Variants in TEX101 observed in about 807,000 individuals in gnomAD.
TEX101 encodes testis expressed 101, also known as testis-expressed protein 101.
Under a neutral mutation model 18.1 loss-of-function variants are expected in TEX101, and 10 were observed. The observed-to-expected ratio is 0.55, with a 90% CI of 0.34 to 0.94. The LOEUF (loss-of-function observed/expected upper bound fraction) is 0.94, where lower values mean the gene tolerates loss of function less well. Among genes scored for constraint, TEX101 ranks in the 40% least tolerant of loss-of-function variants. The probability of loss-of-function intolerance (pLI) is 0.02; values close to 1 mark genes in which losing one functional copy is unlikely to be tolerated. For missense variants in TEX101, 259 were observed against 298.9 expected (o/e 0.87, Z 0.98); for synonymous variants, 94 against 114.8 (o/e 0.82, Z 1.16).
chr19:43,393,422 A>G, the TEX101 span, among the ~76,000 whole-genome samples: 49 of 152,246 alleles, frequency 3.2e-4, no homozygotes, highest in South Asian at 1.0e-3. Flanking sequence ...CTGTCTCTGA[A>G]CCTCAGTTTC....
chr19:43,404,148 G>A (rs566981046), intron 2 of TEX101, among the ~76,000 whole-genome samples: 1 of 146,168 alleles, frequency 6.8e-6, no homozygotes, highest in East Asian at 2.0e-4. Context: ...CTTTTTGTGT[G>A]TGCTGGCTTT....
chr19:43,401,814 C>T (rs548835675), intron 1 of TEX101, among the ~76,000 whole-genome samples: 2 of 151,590 alleles, frequency 1.3e-5, no homozygotes, highest in South Asian at 4.2e-4. Context: ...CATTGCACTC[C>T]AGCCTGGGCA....
At chr19:43,393,844 C>T in the TEX101 span, among the ~76,000 whole-genome samples, 2 of 151,460 alleles carry the variant, frequency 1.3e-5, no homozygotes, top group African/African-American at 4.8e-5. Context: ...GCCAGGTGTG[C>T]CCAGGAGCAG....
chr19:43,397,687 G>A (rs943060301), upstream of TEX101, among the ~76,000 whole-genome samples: 8 of 146,586 alleles, frequency 5.5e-5, no homozygotes, highest in South Asian at 4.2e-4. Context: ...CCGTGATCAC[G>A]CCTGAGAAAA....
chr19:43,418,364 A>G lies in TEX101; in HGVS notation c.717A>G (p.Pro239=), dbSNP rs1970506263. 1 of 1,613,798 alleles carries G rather than the reference A, an allele frequency of 6.2e-7. No homozygotes were observed. Among genetic ancestry groups the G allele is most frequent in the African/African-American group, 1.3e-5 (1 of 74,910 alleles). ...TTTGGGGGTTACAGCTACTGCTGCCATTGCTGCTGCCATCATTTATTCACT... is the reference window on the plus strand; with the variant it reads ...TTTGGGGGTTACAGCTACTGCTGCCGTTGCTGCTGCCATCATTTATTCACT... ...IPVWGLQLLL[P]LLLPSFIHFS is the part of the protein sequence containing the mutation. Residue 239 remains proline, a synonymous_variant, in exon 6 of 6, where the codon CCA becomes CCG. Transcript: ENST00000598265.
chr19:43,406,931 G>GTTTTTTT (rs1002990799), intron 3 of TEX101, among the ~76,000 whole-genome samples: 27 of 116,106 alleles, frequency 2.3e-4, no homozygotes, highest in South Asian at 2.8e-4. Context: ...TTTGTTTTTT[G>GTTTTTTT]TTTTTTTTTT....
At chr19:43,413,451 G>A (rs1472581148), upstream of TEX101, among the ~76,000 whole-genome samples, 3 of 149,382 alleles carry the variant, frequency 2.0e-5, no homozygotes, top group African/African-American at 5.0e-5. Flanking sequence ...GCAGTGAGCC[G>A]AGATTGCACC....
chr19:43,390,639 T>G, the TEX101 span, among the ~76,000 whole-genome samples: 1 of 151,592 alleles, frequency 6.6e-6, no homozygotes, highest in Admixed American at 6.6e-5. Context: ...GGCTAATTTT[T>G]TGTAGTTTTA....
At chr19:43,405,923 A>G (rs1469312110) in intron 2 of TEX101, among the ~76,000 whole-genome samples, 2 of 152,058 alleles carry the variant, frequency 1.3e-5, no homozygotes, top group Non-Finnish European at 2.9e-5. Context: ...TCAAAAAAAT[A>G]CGATAAAATA....
chr19:43,391,679 G>A, the TEX101 span, among the ~76,000 whole-genome samples: 1 of 152,106 alleles, frequency 6.6e-6, no homozygotes, highest in African/African-American at 2.4e-5. Context: ...CTCATTCTTT[G>A]CCACAGCTGC....
chr19:43,415,560 G>A (rs905544859), intron 1 of TEX101, among the ~76,000 whole-genome samples: 22 of 152,026 alleles, frequency 1.4e-4, no homozygotes, highest in African/African-American at 4.8e-4. Flanking sequence ...TCAGGAGTTC[G>A]AGACCAGCCT....
chr19:43,410,818 TCA>T (rs550625414), upstream of TEX101, among the ~76,000 whole-genome samples: 11 of 150,758 alleles, frequency 7.3e-5, 1 homozygote, highest in South Asian at 1.7e-3. Context: ...ATGCATGCAC[TCA>T]CAGTCACACA....
the TEX101 span, among the ~76,000 whole-genome samples, chr19:43,395,307 A>G: frequency 0.029 from 4,413 of 152,298 alleles, 210 homozygotes; most frequent in African/African-American, 0.1. Context: ...CTCTTCCCGT[A>G]TCTGTTGATT....
At chr19:43,413,817 G>A (rs187320725), upstream of TEX101, among the ~76,000 whole-genome samples, 73 of 152,220 alleles carry the variant, frequency 4.8e-4, 1 homozygote, top group Non-Finnish European at 1.5e-5. Flanking sequence ...GCCAGGTGTG[G>A]TGGCAGGTGC....
chr19:43,405,663 G>T (rs562959081), intron 2 of TEX101, among the ~76,000 whole-genome samples: 1 of 150,800 alleles, frequency 6.6e-6, no homozygotes, highest in Non-Finnish European at 1.5e-5. Context: ...GGTGACTCAC[G>T]CCTGTAATCC....
upstream of TEX101, among the ~76,000 whole-genome samples, chr19:43,397,086 T>C (rs184554730): frequency 6.6e-6 from 1 of 152,254 alleles, no homozygotes; most frequent in East Asian, 1.9e-4. Flanking sequence ...TCCACCCATC[T>C]CAGCCTCCCA....
intron 3 of TEX101, chr19:43,406,669 G>T (rs952498536): frequency 1.4e-5 from 8 of 574,276 alleles, no homozygotes; most frequent in African/African-American, 1.4e-4. Flanking sequence ...GCTAGATGGG[G>T]AGACTGGGAC....
intron 4 of TEX101, 123 bp downstream of exon 4, chr19:43,416,678 TC>T (rs1970483312): frequency 1.1e-6 from 1 of 914,852 alleles, no homozygotes; most frequent in Non-Finnish European, 1.7e-6. Context: ...ACCTCACAGT[TC>T]AAGTAATTTT....
upstream of TEX101, among the ~76,000 whole-genome samples, chr19:43,414,377 A>T (rs1421655501): frequency 6.6e-6 from 1 of 152,156 alleles, no homozygotes; most frequent in East Asian, 1.9e-4. Flanking sequence ...GACCATGAGG[A>T]GGCTGGTGCG....
Sources: gnomAD v4.1 joint callset for allele counts (sites outside exome capture counted in the v4.1 genomes callset) on GRCh38, gnomAD v4.1.1 for gene constraint, MANE v1.5 for transcripts, NCBI Gene and HGNC (gene_info 2026-07-23, HGNC 2026-07-21) for gene names.